The following NUDT4 variants were observed in gnomAD, a reference collection of about 807,000 sequenced individuals.
NUDT4 encodes the protein diphosphoinositol polyphosphate phosphohydrolase 2.
In NUDT4, 5 loss-of-function variants were observed where a neutral mutation model predicts 23.1. The observed-to-expected ratio is 0.22, with a 90% CI of 0.11 to 0.46. The LOEUF (loss-of-function observed/expected upper bound fraction) is 0.46, where lower values mean the gene tolerates loss of function less well. NUDT4 is among the 20% of genes least tolerant of loss of function. NUDT4 has a pLI of 0.99. For synonymous variants in NUDT4, 50 were observed against 79.0 expected (o/e 0.63, Z 1.95); for missense variants, 96 against 211.6 (o/e 0.45, Z 3.39).
rs193241193 is a variant in NUDT4 at position 93,380,634 on chromosome 12, C to T, written c.99+2213C>T. Among the ~76,000 whole-genome samples, 137 of 152,314 alleles carry T rather than the reference C, an allele frequency of 9.0e-4. 1 individual carries two copies. Among genetic ancestry groups the T allele is most frequent in the African/African-American group, 3.2e-3 (131 of 41,572 alleles). On this transcript the variant is annotated intron_variant, in intron 1 of 4. Transcript: ENST00000415493. The stretch of plus-strand genomic sequence containing the variant: ...AAGTGAAATGCACAGCCAATTTTAA[C>T]ATCTGGTTTAGCTCTTCAGAATTTT...
rs1877652099 is a variant in NUDT4 at position 93,404,015 on chromosome 12, G to GT, written c.*4637dup. The GT allele has an allele frequency of 6.6e-6, 1 of 152,140 alleles. No individual in the cohort carries two copies. The highest frequency in any genetic ancestry group is 2.4e-5 in the African/African-American group (1 of 41,422). The allele number at this position is 152,140 out of a possible 1,614,324, so 9.4% of individuals were successfully genotyped here. On this transcript the variant is annotated 3_prime_UTR_variant, in exon 5 of 5. Coordinates refer to ENST00000415493, the MANE Select transcript of NUDT4 (RefSeq NM_019094.6). ...CCGGTATTACTCTTAATGCATTTTTGTAACATTTGACAAACATCTCCCAAT... is the reference window on the plus strand; with the variant it reads ...CCGGTATTACTCTTAATGCATTTTTGTTAACATTTGACAAACATCTCCCAAT...
At chr12:93,382,509 A>C (rs1023359783) in intron 1 of NUDT4, among the ~76,000 whole-genome samples, 1 of 152,168 alleles carries the variant, frequency 6.6e-6, no homozygotes, top group Non-Finnish European at 1.5e-5. Flanking sequence ...TCAAAATATT[A>C]CTAGAGTTAA....
Position 93,403,990 on chromosome 12 carries a change from C to T in NUDT4, c.*4611C>T, listed in dbSNP as rs1434873940. On this transcript the variant is annotated 3_prime_UTR_variant, in exon 5 of 5. Transcript: ENST00000415493. Reference sequence around the variant, plus strand: ...TATGATTTCAGCAAATTCTGATAACCCGGTATTACTCTTAATGCATTTTTG... The same window carrying T: ...TATGATTTCAGCAAATTCTGATAACTCGGTATTACTCTTAATGCATTTTTG... 6.6e-6 allele frequency: 1 copy of T among 152,186 alleles called. No homozygotes were observed. The allele number at this position is 152,186 out of a possible 1,614,324, so 9.4% of individuals were successfully genotyped here.
chr12:93,398,904 G>C, intron 4 of NUDT4, 49 bp downstream of exon 4: 3 of 1,252,278 alleles, frequency 2.4e-6, no homozygotes, highest in Non-Finnish European at 3.5e-6. Flanking sequence ...AGAAGATTGG[G>C]AAGATTCTGT....
At chr12:93,390,831 G>A (rs1388408063) in intron 1 of NUDT4, among the ~76,000 whole-genome samples, 2 of 152,050 alleles carry the variant, frequency 1.3e-5, no homozygotes, top group African/African-American at 4.8e-5. Flanking sequence ...TCTCACACCT[G>A]CCCGCCTTGG....
intron 1 of NUDT4, among the ~76,000 whole-genome samples, chr12:93,393,536 A>G (rs1876712521): frequency 6.6e-6 from 1 of 152,180 alleles, no homozygotes; most frequent in African/African-American, 2.4e-5. Flanking sequence ...GCATCATTAA[A>G]ACAACCAGAC....
At chr12:93,399,151 G>A (rs377271105) in intron 4 of NUDT4, 26 bp from the exon 5 acceptor site, 2 of 1,565,928 alleles carry the variant, frequency 1.3e-6, no homozygotes, top group South Asian at 1.1e-5. Context: ...GGACTGTCTT[G>A]TAACCAATGT....
At chr12:93,387,291 T>C (rs1876176647) in intron 1 of NUDT4, among the ~76,000 whole-genome samples, 1 of 152,206 alleles carries the variant, frequency 6.6e-6, no homozygotes, top group African/African-American at 2.4e-5. Flanking sequence ...ATTGCTTTAG[T>C]AGTTCCATAA....
chr12:93,394,352 C>T (rs1876777731), intron 1 of NUDT4, among the ~76,000 whole-genome samples: 1 of 152,154 alleles, frequency 6.6e-6, no homozygotes, highest in South Asian at 2.1e-4. Context: ...AGAGTTTTAC[C>T]ACCAGTAGTT....
intron 1 of NUDT4, among the ~76,000 whole-genome samples, chr12:93,393,154 G>T (rs4520687): frequency 0.081 from 10,745 of 132,688 alleles, 529 homozygotes; most frequent in Middle Eastern, 0.11. Context: ...GAGTGCAGTG[G>T]TGCAATCTCT....
At position 93,407,850 on chromosome 12, in the gene NUDT4, G is replaced by A. The variant is rs1028291309; in HGVS notation, c.*8471G>A. 6.6e-6 allele frequency: 1 copy of A among 152,160 alleles called. No homozygotes were observed. Among genetic ancestry groups the A allele is most frequent in the African/African-American group, 2.4e-5 (1 of 41,432 alleles). The allele number at this position is 152,160 out of a possible 1,614,324, so 9.4% of individuals were successfully genotyped here. On this transcript the variant is annotated 3_prime_UTR_variant, in exon 5 of 5. Transcript: ENST00000415493. ...AGGCTCAGTCAACACACTGGCACTC[G>A]TTTCATCCCACTGGTTGAGAAAGCA...
intron 1 of NUDT4, among the ~76,000 whole-genome samples, chr12:93,389,848 C>T (rs1876362244): frequency 6.6e-6 from 1 of 151,336 alleles, no homozygotes; most frequent in Admixed American, 6.6e-5. Context: ...TGCAGTGAGC[C>T]GAGATTGCAC....
chr12:93,393,550 A>G (rs1311707438), intron 1 of NUDT4, among the ~76,000 whole-genome samples: 7 of 152,168 alleles, frequency 4.6e-5, no homozygotes, highest in Non-Finnish European at 1.0e-4. Flanking sequence ...ACCAGACAAT[A>G]TGTAAAAATG....
Position 93,403,180 on chromosome 12 carries a change from T to C in NUDT4, c.*3801T>C, listed in dbSNP as rs1022869155. On this transcript the variant is annotated 3_prime_UTR_variant, in exon 5 of 5. Coordinates refer to ENST00000415493, the MANE Select transcript of NUDT4 (RefSeq NM_019094.6). ...CACCTCGTCTGGCCTGCAGGTCTTT[T>C]TAAGCATTTGCTGTTCAATAATAAG... 2 of 152,184 alleles carry C rather than the reference T, an allele frequency of 1.3e-5. No homozygotes were observed. Among genetic ancestry groups the C allele is most frequent in the Non-Finnish European group, 2.9e-5 (2 of 68,038 alleles). 9.4% of individuals were successfully genotyped at this position (152,184 alleles called of 1,614,324 possible). A position where few individuals can be genotyped will look rare whatever the true frequency, so the allele number is the denominator to read the frequency against.
At chr12:93,387,330 T>C (rs915868598) in intron 1 of NUDT4, among the ~76,000 whole-genome samples, 1 of 152,226 alleles carries the variant, frequency 6.6e-6, no homozygotes, top group Non-Finnish European at 1.5e-5. Context: ...TCTACATTGA[T>C]GATTTTCATT....
chr12:93,395,107 C>A (rs191061605), intron 2 of NUDT4, among the ~76,000 whole-genome samples: 69 of 152,266 alleles, frequency 4.5e-4, no homozygotes, highest in African/African-American at 1.6e-3. Context: ...CCTCAGCCTC[C>A]CAAAGTGCTG....
At chr12:93,395,638 C>T in intron 3 of NUDT4, 105 bp downstream of exon 3, 1 of 888,318 alleles carries the variant, frequency 1.1e-6, no homozygotes, top group Non-Finnish European at 1.9e-6. Flanking sequence ...TTCTCTCAGA[C>T]TAGCAGTAGG....
Position 93,378,429 on chromosome 12 carries a change from GCCC to G in NUDT4, c.99+9_99+11del. 6.5e-7 allele frequency: 1 copy of G among 1,544,754 alleles called. No individual in the cohort carries two copies. Among genetic ancestry groups the G allele is most frequent in the Middle Eastern group, 2.2e-4 (1 of 4,558 alleles). On this transcript the variant is annotated intron_variant, in intron 1 of 4. Coordinates refer to ENST00000415493, the MANE Select transcript of NUDT4 (RefSeq NM_019094.6). ...AGCGAGCAGGAGGACGAGGTAGGGC[GCCC>G]GGCGCCGCACGCTGCCCTCCGGGGC...
At chr12:93,394,537 A>G in intron 1 of NUDT4, 72 bp from the exon 2 acceptor site, 2 of 809,196 alleles carry the variant, frequency 2.5e-6, no homozygotes, top group Non-Finnish European at 4.1e-6. Flanking sequence ...AACCTTGCAG[A>G]GGTTTGAGAA....
Sources: allele counts gnomAD v4.1 joint callset (sites outside exome capture counted in the v4.1 genomes callset), GRCh38; gene constraint gnomAD v4.1.1; transcripts MANE v1.5; gene names NCBI Gene and HGNC (gene_info 2026-07-23, HGNC 2026-07-21).